Variants in NYAP2 observed in about 807,000 individuals in gnomAD.
The protein encoded by NYAP2 is neuronal tyrosine-phosphorylated phosphoinositide-3-kinase adaptor 2, also known as neuronal tyrosine-phosphorylated phosphoinositide-3-kinase adapter 2.
In NYAP2, 23 loss-of-function variants were observed where a neutral mutation model predicts 50.4. That is an observed-to-expected ratio of 0.46 (90% CI 0.33 to 0.65). The LOEUF (loss-of-function observed/expected upper bound fraction) is 0.65, where lower values mean the gene tolerates loss of function less well. NYAP2 is among the 30% of genes least tolerant of loss of function. The pLI is 0.02. For missense variants in NYAP2, 885 were observed against 861.0 expected (o/e 1.03, Z -0.35); for synonymous variants, 394 against 365.2 (o/e 1.08, Z -0.90).
rs1691123804 is a variant in NYAP2 at position 225,524,758 on chromosome 2, T to TA, written c.523+11091dup. 2.0e-5 allele frequency among the ~76,000 whole-genome samples: 3 copies of TA among 152,014 alleles called. No individual in the cohort carries two copies. In the East Asian group the frequency reaches 5.8e-4, roughly 29 times the overall value. The stretch of plus-strand genomic sequence containing the variant: ...AAAACTAGACAAATGGGACTTAAAC[T>TA]AAAAAGCTTTTACACAGCAAAAGAA... On this transcript the variant is annotated intron_variant, in intron 4 of 6. Transcript: ENST00000636099.
At chr2:225,444,186 CCCAGAGAGATT>C (rs557515356) in intron 3 of NYAP2, among the ~76,000 whole-genome samples, 120 of 152,264 alleles carry the variant, frequency 7.9e-4, no homozygotes, top group African/African-American at 2.8e-3. Flanking sequence ...GCCGATGATT[CCCAGAGAGATT>C]TGTTTTCTGT....
chr2:225,616,012 G>T (rs190624331), intron 5 of NYAP2, among the ~76,000 whole-genome samples: 2 of 152,148 alleles, frequency 1.3e-5, no homozygotes. Flanking sequence ...CTGTTTGTGC[G>T]ATCTTGGGCA....
chr2:225,594,171 A>G (rs1296668976), intron 5 of NYAP2, among the ~76,000 whole-genome samples: 1 of 152,214 alleles, frequency 6.6e-6, no homozygotes, highest in Non-Finnish European at 1.5e-5. Context: ...CATTTTAAAG[A>G]AGCAATTTCA....
chr2:225,581,929 T>C lies in NYAP2; in HGVS notation c.524-12T>C. ...ATACTCATCTATTCCACTACGTTTT[T>C]TCTTCTTTTAGCGTCAGCTAAACCA... On this transcript the variant is annotated splice_polypyrimidine_tract_variant and intron_variant, in intron 4 of 6. Transcript: ENST00000636099. 1 of 1,584,048 alleles carries C rather than the reference T, an allele frequency of 6.3e-7. No individual in the cohort carries two copies. The highest frequency in any genetic ancestry group is 8.6e-7 in the Non-Finnish European group (1 of 1,161,858).
At chr2:225,615,006 TAAA>T (rs1692963693) in intron 5 of NYAP2, among the ~76,000 whole-genome samples, 1 of 152,174 alleles carries the variant, frequency 6.6e-6, no homozygotes, top group Non-Finnish European at 1.5e-5. Context: ...TGACAGCCTC[TAAA>T]ATGTCAAAAA....
intron 4 of NYAP2, among the ~76,000 whole-genome samples, chr2:225,515,833 G>C (rs778895251): frequency 6.6e-6 from 1 of 152,064 alleles, no homozygotes; most frequent in Non-Finnish European, 1.5e-5. Context: ...ACTGATTTAA[G>C]AAAGTGATCA....
chr2:225,473,371 C>G (rs899585352), intron 3 of NYAP2, among the ~76,000 whole-genome samples: 21 of 152,150 alleles, frequency 1.4e-4, no homozygotes, highest in African/African-American at 4.8e-4. Flanking sequence ...CTAGATCCCT[C>G]AGGAATCGCC....
chr2:225,691,741 T>A, the NYAP2 span, among the ~76,000 whole-genome samples: 3 of 151,984 alleles, frequency 2.0e-5, no homozygotes, highest in African/African-American at 7.3e-5. Context: ...CCTTCTTGAG[T>A]CACACACACT....
chr2:225,513,097 A>G (rs1037322772), intron 3 of NYAP2, among the ~76,000 whole-genome samples: 23 of 152,294 alleles, frequency 1.5e-4, no homozygotes, highest in Non-Finnish European at 2.9e-4. Context: ...TCTTGTTTAC[A>G]TTTTAAGCCA....
At position 225,548,040 on chromosome 2, in the gene NYAP2, T is replaced by C. The variant is rs540357806; in HGVS notation, c.524-33901T>C. Among the ~76,000 whole-genome samples, 7 of 152,146 alleles carry C rather than the reference T, an allele frequency of 4.6e-5. No homozygotes were observed. In the South Asian group the frequency reaches 1.0e-3, roughly 22 times the overall value. ...TTGCAAGAACTAATGTTAAGTCTAC[T>C]AATTAGAGATACATTAGCTAATAAT... On this transcript the variant is annotated intron_variant, in intron 4 of 6. Transcript: ENST00000636099.
chr2:225,621,112 CAA>C (rs35570419), intron 5 of NYAP2, among the ~76,000 whole-genome samples: 28,279 of 98,542 alleles, frequency 0.29, 2,466 homozygotes, highest in African/African-American at 0.36. Flanking sequence ...GACTCCGTCT[CAA>C]AAAAAAAAAA....
intron 4 of NYAP2, among the ~76,000 whole-genome samples, chr2:225,520,592 G>A (rs7420752): frequency 3.1e-4 from 47 of 152,060 alleles, no homozygotes; most frequent in African/African-American, 8.7e-4. Context: ...TAGATGTGTG[G>A]TGTTATTTCT....
At chr2:225,479,995 C>T (rs551436321) in intron 3 of NYAP2, among the ~76,000 whole-genome samples, 6 of 152,118 alleles carry the variant, frequency 3.9e-5, no homozygotes, top group South Asian at 2.1e-4. Flanking sequence ...TGTCTACTGA[C>T]GTCACTGGAC....
chr2:225,595,946 C>T (rs1692589593), intron 5 of NYAP2, among the ~76,000 whole-genome samples: 2 of 152,176 alleles, frequency 1.3e-5, no homozygotes, highest in African/African-American at 4.8e-5. Flanking sequence ...GGCTCTGGTT[C>T]TAGCATTTTT....
At chr2:225,491,943 T>A (rs1690414758) in intron 3 of NYAP2, among the ~76,000 whole-genome samples, 1 of 152,164 alleles carries the variant, frequency 6.6e-6, no homozygotes, top group African/African-American at 2.4e-5. Flanking sequence ...CTATACCCTA[T>A]CTGGCTAAGA....
chr2:225,593,136 C>G (rs917935956), intron 5 of NYAP2, among the ~76,000 whole-genome samples: 4 of 152,090 alleles, frequency 2.6e-5, no homozygotes, highest in Non-Finnish European at 5.9e-5. Flanking sequence ...TAAGTGAGTT[C>G]CTACTGGCTA....
the NYAP2 span, among the ~76,000 whole-genome samples, chr2:225,695,598 C>G: frequency 1.3e-5 from 2 of 151,516 alleles, no homozygotes; most frequent in South Asian, 4.2e-4. Flanking sequence ...AGATTTGAAG[C>G]CTGTCCTCTG....
chr2:225,492,788 G>T (rs1690431676), intron 3 of NYAP2, among the ~76,000 whole-genome samples: 1 of 152,020 alleles, frequency 6.6e-6, no homozygotes, highest in Non-Finnish European at 1.5e-5. Flanking sequence ...TTAACAACCA[G>T]ATCTCATGAG....
chr2:225,502,572 A>C (rs909362415), intron 3 of NYAP2, among the ~76,000 whole-genome samples: 1 of 152,208 alleles, frequency 6.6e-6, no homozygotes, highest in African/African-American at 2.4e-5. Flanking sequence ...ACAGACAAGG[A>C]CCAATTAAGT....
Sources: allele counts gnomAD v4.1 joint callset (sites outside exome capture counted in the v4.1 genomes callset), GRCh38; gene constraint gnomAD v4.1.1; transcripts MANE v1.5; gene names NCBI Gene and HGNC (gene_info 2026-07-23, HGNC 2026-07-21).